Variants in NAV3 observed in about 807,000 individuals in gnomAD.
The protein encoded by NAV3 is pore membrane and/or filament interacting like protein 1.
A neutral mutation model predicts 244.7 loss-of-function variants in NAV3; 87 were observed. The ratio of observed to expected loss-of-function variants is 0.36; its 90% confidence interval spans 0.30 to 0.42. NAV3 has a LOEUF of 0.42. Among genes scored for constraint, NAV3 ranks in the 20% least tolerant of loss-of-function variants. The pLI is 1.00. For synonymous variants in NAV3, 1,126 were observed against 1,042.2 expected (o/e 1.08, Z -1.55); for missense variants, 2,663 against 2,893.3 (o/e 0.92, Z 1.83).
intron 1 of NAV3, among the ~76,000 whole-genome samples, chr12:77,928,464 C>G (rs1372185123): frequency 6.6e-6 from 1 of 152,072 alleles, no homozygotes; most frequent in Non-Finnish European, 1.5e-5. Context: ...ACTAGGATTT[C>G]AAAATTGTCT....
intron 2 of NAV3, among the ~76,000 whole-genome samples, chr12:77,770,573 A>G (rs7303628): frequency 0.54 from 81,523 of 152,008 alleles, 22,015 homozygotes; most frequent in South Asian, 0.66. Context: ...TGCCAAGAAA[A>G]TCAGCTCTGA....
Position 78,131,351 on chromosome 12 carries a change from A to C in NAV3, c.4441+2485A>C, listed in dbSNP as rs370870694. Among the ~76,000 whole-genome samples the C allele has an allele frequency of 1.5e-4, 23 of 152,318 alleles. No homozygotes were observed. The East Asian group carries it at 3.1e-3, about 20-fold the overall frequency. Reference sequence around the variant, plus strand: ...TCCTAACCTATATAGTGATAAGAGAATTTACCTATAATGCCAAAGAATGTA... The same window carrying C: ...TCCTAACCTATATAGTGATAAGAGACTTTACCTATAATGCCAAAGAATGTA... On this transcript the variant is annotated intron_variant, in intron 18 of 39. Coordinates refer to ENST00000397909, the MANE Select transcript of NAV3 (RefSeq NM_001024383.2).
At chr12:78,093,642 GAAA>G (rs201911788) in intron 12 of NAV3, among the ~76,000 whole-genome samples, 1 of 148,474 alleles carries the variant, frequency 6.7e-6, no homozygotes, top group African/African-American at 2.5e-5. Flanking sequence ...CACTCTGGGG[GAAA>G]AAAAAAGTAC....
At chr12:78,046,305 C>G (rs1458335949) in intron 9 of NAV3, among the ~76,000 whole-genome samples, 3 of 152,110 alleles carry the variant, frequency 2.0e-5, no homozygotes, top group Non-Finnish European at 4.4e-5. Flanking sequence ...TTCTCTAGTT[C>G]TTTTAATTGT....
At chr12:78,116,645 G>T in intron 12 of NAV3, 127 bp from the exon 13 acceptor site, 1 of 1,053,502 alleles carries the variant, frequency 9.5e-7, no homozygotes, top group South Asian at 2.5e-5. Flanking sequence ...TGAAATAAGT[G>T]ACTTTTCATA....
At chr12:78,054,204 A>G (rs1883161191) in intron 11 of NAV3, among the ~76,000 whole-genome samples, 1 of 152,196 alleles carries the variant, frequency 6.6e-6, no homozygotes, top group South Asian at 2.1e-4. Flanking sequence ...TATTTAAAAT[A>G]CATATATAAG....
intron 23 of NAV3, among the ~76,000 whole-genome samples, chr12:78,160,378 A>AGTGTGTGT (rs10628612): frequency 0.043 from 5,713 of 133,694 alleles, 255 homozygotes; most frequent in East Asian, 0.21. Flanking sequence ...AATTCTATGG[A>AGTGTGTGT]GTGTGTGTGT....
At chr12:77,681,919 G>A (rs992308161) in intron 2 of NAV3, among the ~76,000 whole-genome samples, 1 of 152,032 alleles carries the variant, frequency 6.6e-6, no homozygotes, top group South Asian at 2.1e-4. Context: ...TGATATATTT[G>A]CCTATTGTGC....
chr12:77,913,279 G>T (rs1886796241), intron 1 of NAV3, among the ~76,000 whole-genome samples: 2 of 152,002 alleles, frequency 1.3e-5, no homozygotes, highest in African/African-American at 4.8e-5. Context: ...ATAAATGTTA[G>T]CTATGATCAT....
chr12:77,942,376 A>AAAATAAAT (rs373926380), intron 3 of NAV3, among the ~76,000 whole-genome samples: 1 of 151,902 alleles, frequency 6.6e-6, no homozygotes, highest in African/African-American at 2.4e-5. Context: ...CTGTCTCGAA[A>AAAATAAAT]AAATAAATAA....
chr12:78,047,441 T>A (rs1882011468), intron 9 of NAV3, among the ~76,000 whole-genome samples: 1 of 152,078 alleles, frequency 6.6e-6, no homozygotes, highest in Non-Finnish European at 1.5e-5. Flanking sequence ...GAGCCAAGAT[T>A]GTGCCACTGC....
At chr12:77,860,204 G>A (rs1367814769) in intron 1 of NAV3, among the ~76,000 whole-genome samples, 1 of 151,544 alleles carries the variant, frequency 6.6e-6, no homozygotes, top group Non-Finnish European at 1.5e-5. Flanking sequence ...GGATACATAA[G>A]AAAATGATAA....
Position 78,128,750 on chromosome 12 carries a change from A to G in NAV3, c.4325A>G (p.Glu1442Gly). The G allele has an allele frequency of 1.9e-6, 3 of 1,614,060 alleles. No homozygotes were observed. The South Asian group carries it at 3.3e-5, about 18-fold the overall frequency. ...SRQANQEEGK[E>G]WLRSHSTGGL... ...CAGGCCAACCAAGAAGAGGGCAAAG[A>G]GTGGTTGCGTTCTCATTCTACTGGA... is the stretch of plus-strand genomic sequence containing the variant. The change falls in exon 18 of 40, where the codon GAG (glutamate) becomes GGG (glycine). Residue 1442 changes from glutamate to glycine, a missense_variant. Glu to Gly is a moderately conservative substitution (Grantham distance 98). This residue lies in a region of NAV3 where 354 missense variants were observed against 413.0 expected (regional missense o/e 0.86). Coordinates refer to ENST00000397909, the MANE Select transcript of NAV3 (RefSeq NM_001024383.2).
In NAV3 at chr12:77,730,081, C is replaced by T. The variant is rs1877054202; in HGVS notation, c.72+157815C>T. 2.6e-5 allele frequency among the ~76,000 whole-genome samples: 4 copies of T among 151,976 alleles called. No individual in the cohort carries two copies. In the South Asian group the frequency reaches 8.3e-4, roughly 31 times the overall value. The stretch of plus-strand genomic sequence containing the variant: ...ATTCTAAGACCTGTGAACAAGTAAA[C>T]TCTACTTAGTAACACAAACCTCACT... On this transcript the variant is annotated intron_variant, in intron 2 of 8. Coordinates refer to the NAV3 transcript ENST00000550042.
At chr12:78,074,081 T>C (rs1952922292) in intron 12 of NAV3, among the ~76,000 whole-genome samples, 2 of 152,162 alleles carry the variant, frequency 1.3e-5, no homozygotes, top group Non-Finnish European at 2.9e-5. Context: ...GCTATGAAAG[T>C]GGCAACACTG....
intron 9 of NAV3, among the ~76,000 whole-genome samples, chr12:78,030,433 T>A (rs545695405): frequency 6.6e-6 from 1 of 152,254 alleles, no homozygotes; most frequent in African/African-American, 2.4e-5. Flanking sequence ...GAAAGAGAAA[T>A]GTTCTAGGAA....
At chr12:77,583,499 C>T (rs978516668) in intron 2 of NAV3, among the ~76,000 whole-genome samples, 7 of 152,080 alleles carry the variant, frequency 4.6e-5, no homozygotes, top group Non-Finnish European at 8.8e-5. Context: ...ATCTGCTTTG[C>T]TCTGTAAAAT....
At chr12:78,023,702 T>A (rs1302054499) in intron 9 of NAV3, among the ~76,000 whole-genome samples, 1 of 152,190 alleles carries the variant, frequency 6.6e-6, no homozygotes, top group Non-Finnish European at 1.5e-5. Context: ...AATTGAGTAC[T>A]ATAATTGAAG....
intron 2 of NAV3, among the ~76,000 whole-genome samples, chr12:77,765,773 T>C (rs1220868462): frequency 6.6e-6 from 1 of 150,742 alleles, no homozygotes; most frequent in Admixed American, 6.6e-5. Context: ...GGAATAGAAG[T>C]CAGAAAAAGA....
Sources: allele counts gnomAD v4.1 joint callset (sites outside exome capture counted in the v4.1 genomes callset), GRCh38; gene constraint gnomAD v4.1.1; regional missense constraint gnomAD v4.1.1; transcripts MANE v1.5; gene names NCBI Gene and HGNC (gene_info 2026-07-23, HGNC 2026-07-21).